PTPRM: variants seen among roughly 807,000 people sequenced by gnomAD.
The protein encoded by PTPRM is protein tyrosine phosphatase receptor type M.
A neutral mutation model predicts 186.7 loss-of-function variants in PTPRM; 47 were observed. That is an observed-to-expected ratio of 0.25 (90% CI 0.20 to 0.32). The LOEUF (loss-of-function observed/expected upper bound fraction) is 0.32. PTPRM is among the 10% of genes least tolerant of loss of function. PTPRM has a pLI of 1.00. For synonymous variants in PTPRM, 668 were observed against 674.9 expected, an observed-to-expected ratio of 0.99 and a Z score of 0.16; for missense variants, 1,494 against 1,865.0, an observed-to-expected ratio of 0.80 and a Z score of 3.66.
intron 14 of PTPRM, among the ~76,000 whole-genome samples, chr18:8,175,397 A>G (rs2093466000): frequency 6.6e-6 from 1 of 152,210 alleles, no homozygotes; most frequent in South Asian, 2.1e-4. Flanking sequence ...TAAAATCTGT[A>G]TATTTGAGGT....
chr18:7,654,423 A>G (rs910192507), intron 1 of PTPRM, among the ~76,000 whole-genome samples: 1 of 152,138 alleles, frequency 6.6e-6, no homozygotes, highest in Non-Finnish European at 1.5e-5. Flanking sequence ...TAGTGTTCCA[A>G]TAATGGAACA....
intron 3 of PTPRM, among the ~76,000 whole-genome samples, chr18:7,895,732 A>G (rs1938922464): frequency 6.6e-6 from 1 of 152,126 alleles, no homozygotes; most frequent in Non-Finnish European, 1.5e-5. Flanking sequence ...CAGCATCTGA[A>G]CTCTGCAATT....
intron 14 of PTPRM, among the ~76,000 whole-genome samples, chr18:8,174,885 A>G (rs1266395080): frequency 6.6e-6 from 1 of 152,222 alleles, no homozygotes. Context: ...TGGTCCACGC[A>G]TTTGTCTCTC....
At chr18:7,944,943 A>G (rs1413308856) in intron 5 of PTPRM, among the ~76,000 whole-genome samples, 1 of 152,222 alleles carries the variant, frequency 6.6e-6, no homozygotes, top group East Asian at 1.9e-4. Flanking sequence ...GTATTAAATC[A>G]GTATTTAATC....
intron 1 of PTPRM, among the ~76,000 whole-genome samples, chr18:7,611,338 C>T (rs1415515252): frequency 6.6e-6 from 1 of 152,108 alleles, no homozygotes; most frequent in Non-Finnish European, 1.5e-5. Flanking sequence ...GCAGTAATGT[C>T]CTAGGCCTTC....
At chr18:7,817,541 G>C (rs77150063) in intron 2 of PTPRM, among the ~76,000 whole-genome samples, 1,809 of 152,162 alleles carry the variant, frequency 0.012, 31 homozygotes, top group African/African-American at 0.042. Context: ...TATAAAATGT[G>C]TTTTTTATAA....
At chr18:7,756,431 T>C (rs1159318536) in intron 1 of PTPRM, among the ~76,000 whole-genome samples, 1 of 152,212 alleles carries the variant, frequency 6.6e-6, no homozygotes, top group East Asian at 1.9e-4. Flanking sequence ...GGATATCAAT[T>C]TGAGGAAATA....
chr18:7,705,850 G>T (rs2040075698), intron 1 of PTPRM, among the ~76,000 whole-genome samples: 1 of 151,302 alleles, frequency 6.6e-6, no homozygotes, highest in Non-Finnish European at 1.5e-5. Context: ...CTTTCTCTAA[G>T]ATGAAGTTAT....
intron 1 of PTPRM, among the ~76,000 whole-genome samples, chr18:7,641,560 G>T (rs187069567): frequency 6.6e-6 from 1 of 152,150 alleles, no homozygotes; most frequent in East Asian, 1.9e-4. Flanking sequence ...AAACTAGAGC[G>T]GTGGCATGAA....
chr18:8,032,180 G>A (rs765422174), intron 7 of PTPRM, among the ~76,000 whole-genome samples: 1 of 152,070 alleles, frequency 6.6e-6, no homozygotes, highest in Non-Finnish European at 1.5e-5. Flanking sequence ...AGTAACTCTG[G>A]AGCCACATTG....
intron 2 of PTPRM, among the ~76,000 whole-genome samples, chr18:7,859,870 G>A (rs780738641): frequency 2.8e-4 from 42 of 152,034 alleles, no homozygotes; most frequent in Non-Finnish European, 4.4e-4. Flanking sequence ...TCCCTCCCCT[G>A]CCTCAAAGCC....
intron 19 of PTPRM, among the ~76,000 whole-genome samples, chr18:8,269,761 A>G (rs1433443603): frequency 6.6e-6 from 1 of 152,022 alleles, no homozygotes; most frequent in Non-Finnish European, 1.5e-5. Flanking sequence ...ATTTTACAAG[A>G]GTGCCAAGAA....
intron 1 of PTPRM, among the ~76,000 whole-genome samples, chr18:7,637,167 C>CAAAA (rs11296631): frequency 1.4e-5 from 1 of 72,140 alleles, no homozygotes; most frequent in African/African-American, 4.0e-5. Context: ...GACCCTGACT[C>CAAAA]AAAAAAAAAA....
chr18:7,950,517 A>G (rs1359881532), intron 6 of PTPRM, among the ~76,000 whole-genome samples: 1 of 152,232 alleles, frequency 6.6e-6, no homozygotes, highest in South Asian at 2.1e-4. Context: ...AGAACTAGGT[A>G]TGTGGCTATG....
intron 14 of PTPRM, among the ~76,000 whole-genome samples, chr18:8,239,676 G>A (rs573398379): frequency 9.2e-5 from 14 of 152,064 alleles, no homozygotes; most frequent in Non-Finnish European, 1.5e-4. Flanking sequence ...TCCAATTTGG[G>A]GGGCAGTGGT....
intron 1 of PTPRM, among the ~76,000 whole-genome samples, chr18:7,674,579 C>CTGAGA (rs1456453239): frequency 6.6e-6 from 1 of 152,132 alleles, no homozygotes; most frequent in African/African-American, 2.4e-5. Flanking sequence ...GGTGGGCAGG[C>CTGAGA]AGTGCTGAGA....
At chr18:7,821,431 C>G (rs530048816) in intron 2 of PTPRM, among the ~76,000 whole-genome samples, 2 of 136,656 alleles carry the variant, frequency 1.5e-5, no homozygotes, top group South Asian at 4.2e-4. Flanking sequence ...TTTTTTTACT[C>G]ATAAGACAAA....
chr18:7,636,060 C>T (rs2038304783), intron 1 of PTPRM, among the ~76,000 whole-genome samples: 1 of 152,180 alleles, frequency 6.6e-6, no homozygotes, highest in African/African-American at 2.4e-5. Flanking sequence ...TGTTTTCTGA[C>T]TGTGCACTCA....
At chr18:7,603,029 G>A (rs1056176332) in intron 1 of PTPRM, among the ~76,000 whole-genome samples, 8 of 151,500 alleles carry the variant, frequency 5.3e-5, no homozygotes, top group East Asian at 1.9e-4. Flanking sequence ...CTGGGTTCAC[G>A]CCATTCTCCT....
Sources: gnomAD v4.1 joint callset for allele counts (sites outside exome capture counted in the v4.1 genomes callset) on GRCh38, gnomAD v4.1.1 for gene constraint, MANE v1.5 for transcripts, NCBI Gene and HGNC (gene_info 2026-07-23, HGNC 2026-07-21) for gene names.